The following KDELR1 variants were observed in gnomAD, a reference collection of about 807,000 sequenced individuals.
KDELR1 encodes ER lumen protein-retaining receptor 1.
KDELR1 carries 16 observed loss-of-function variants against 25.5 expected under a neutral mutation model. That is an observed-to-expected ratio of 0.63 (90% CI 0.43 to 0.95). The LOEUF (loss-of-function observed/expected upper bound fraction) is 0.95, where lower values mean the gene tolerates loss of function less well. Among genes scored for constraint, KDELR1 ranks in the 40% least tolerant of loss-of-function variants. The pLI is 0.00. For synonymous variants in KDELR1, 121 were observed against 115.0 expected, an observed-to-expected ratio of 1.05 and a Z score of -0.33; for missense variants, 159 against 265.2, an observed-to-expected ratio of 0.60 and a Z score of 2.78.
Position 48,384,106 on chromosome 19 carries a change from G to T in KDELR1, c.604+124C>A. Reference sequence around the variant, plus strand: ...GGAGGATGGTAGGCCTGCCACCCCAGAAACCCGGCGAAGAAATGCTCCCTT... The same window carrying T: ...GGAGGATGGTAGGCCTGCCACCCCATAAACCCGGCGAAGAAATGCTCCCTT... On this transcript the variant is annotated intron_variant, in intron 4 of 4. Coordinates refer to ENST00000330720, the MANE Select transcript of KDELR1 (RefSeq NM_006801.3). The surrounding 1 kb of genome is among the most constrained non-coding windows in gnomAD (Gnocchi z 4.6). 1 of 1,271,094 alleles carries T rather than the reference G, an allele frequency of 7.9e-7. No homozygotes were observed. 78.7% of individuals were successfully genotyped at this position (1,271,094 alleles called of 1,614,324 possible).
chr19:48,393,691 G>A (rs957308158), upstream of KDELR1, among the ~76,000 whole-genome samples: 9 of 152,080 alleles, frequency 5.9e-5, no homozygotes, highest in Middle Eastern at 3.4e-3. This position sits in a 1 kb window ranked among gnomAD's most constrained non-coding sequence, Gnocchi z 5.6. Context: ...GTGTGTGTGC[G>A]AGAACACAGC....
At chr19:48,395,099 ACCCTCTCTCTCT>A (rs1970621940), upstream of KDELR1, among the ~76,000 whole-genome samples, 1 of 144,080 alleles carries the variant, frequency 6.9e-6, no homozygotes, top group African/African-American at 2.6e-5. Flanking sequence ...ACTCTCCTCC[ACCCTCTCTCTCT>A]CCCTCTCTGA....
upstream of KDELR1, among the ~76,000 whole-genome samples, chr19:48,394,239 A>T (rs1049363525): frequency 2.0e-5 from 3 of 151,610 alleles, no homozygotes; most frequent in Non-Finnish European, 4.4e-5. This position sits in a 1 kb window ranked among gnomAD's most constrained non-coding sequence, Gnocchi z 5.1. Flanking sequence ...TTGAGGGGGA[A>T]TCCCAGGGAA....
intron 3 of KDELR1, among the ~76,000 whole-genome samples, chr19:48,386,000 T>C (rs1477394422): frequency 1.3e-5 from 2 of 152,116 alleles, no homozygotes; most frequent in Non-Finnish European, 2.9e-5. Flanking sequence ...CCAGGTTAGT[T>C]GATGCTGCTG....
At chr19:48,386,265 C>A (rs895186512) in intron 3 of KDELR1, among the ~76,000 whole-genome samples, 6 of 151,932 alleles carry the variant, frequency 3.9e-5, no homozygotes, top group South Asian at 2.1e-4. Context: ...TAGGCACTCA[C>A]CACCACGCCC....
At chr19:48,392,804 G>A (rs1970575478), upstream of KDELR1, among the ~76,000 whole-genome samples, 3 of 152,228 alleles carry the variant, frequency 2.0e-5, 1 homozygote, top group South Asian at 6.2e-4. Context: ...ACCCTCAGAG[G>A]CCCCGGTGTC....
chr19:48,393,966 C>T (rs1045502912), upstream of KDELR1, among the ~76,000 whole-genome samples: 28 of 151,916 alleles, frequency 1.8e-4, no homozygotes, highest in African/African-American at 6.5e-4. The surrounding 1 kb of genome is among the most constrained non-coding windows in gnomAD (Gnocchi z 5.6). Flanking sequence ...GTCTGTCTGT[C>T]TGTACCGACC....
upstream of KDELR1, among the ~76,000 whole-genome samples, chr19:48,393,126 CG>C (rs1213753251): frequency 6.6e-6 from 1 of 151,134 alleles, no homozygotes; most frequent in Non-Finnish European, 1.5e-5. The surrounding 1 kb of genome is among the most constrained non-coding windows in gnomAD (Gnocchi z 5.6). Flanking sequence ...GTGGCTTGTA[CG>C]GGGGAGAGTC....
At position 48,389,545 on chromosome 19, in the gene KDELR1, G is replaced by A; in HGVS notation, c.351+8C>T. The stretch of plus-strand genomic sequence containing the variant: ...CCCCCAAATAAGGAGTCACAGCAAG[G>A]CGCCTACCTCCAGAGGGGTGAAGTC... On this transcript the variant is annotated splice_region_variant and intron_variant, in intron 3 of 4. Coordinates refer to ENST00000330720, the MANE Select transcript of KDELR1 (RefSeq NM_006801.3). 3 of 1,613,948 alleles carry A rather than the reference G, an allele frequency of 1.9e-6. No homozygotes were observed. The highest frequency in any genetic ancestry group is 2.5e-6 in the Non-Finnish European group (3 of 1,179,934).
chr19:48,392,748 C>T (rs1000409250), upstream of KDELR1, among the ~76,000 whole-genome samples: 1 of 152,184 alleles, frequency 6.6e-6, no homozygotes, highest in African/African-American at 2.4e-5. Flanking sequence ...TGGCTTCCCC[C>T]CTGCTCCAGA....
At chr19:48,393,614 AG>A (rs1326700867), upstream of KDELR1, among the ~76,000 whole-genome samples, 2 of 151,952 alleles carry the variant, frequency 1.3e-5, no homozygotes, top group Admixed American at 6.6e-5. This position sits in a 1 kb window ranked among gnomAD's most constrained non-coding sequence, Gnocchi z 5.6. Flanking sequence ...GGAGGCCAGG[AG>A]GGGGGGCTGT....
upstream of KDELR1, among the ~76,000 whole-genome samples, chr19:48,392,089 A>G (rs1970563131): frequency 7.2e-6 from 1 of 138,660 alleles, no homozygotes; most frequent in Non-Finnish European, 1.5e-5. Context: ...CCTCCCTCAG[A>G]TCCAGGAGTC....
At chr19:48,386,035 C>T (rs1970493541) in intron 3 of KDELR1, among the ~76,000 whole-genome samples, 1 of 152,040 alleles carries the variant, frequency 6.6e-6, no homozygotes, top group Non-Finnish European at 1.5e-5. Flanking sequence ...TAAATTGATG[C>T]CCATTCAACT....
At chr19:48,387,485 C>T (rs1970505799) in intron 3 of KDELR1, among the ~76,000 whole-genome samples, 1 of 152,014 alleles carries the variant, frequency 6.6e-6, no homozygotes, top group East Asian at 1.9e-4. Flanking sequence ...GAGTTCAAGA[C>T]CAGCCTGTCA....
intron 2 of KDELR1, among the ~76,000 whole-genome samples, chr19:48,390,021 G>T (rs1247920401): frequency 8.5e-6 from 1 of 116,960 alleles, no homozygotes; most frequent in Non-Finnish European, 1.8e-5. Context: ...TCCTCCCTCA[G>T]ACCCAGGAGT....
chr19:48,391,521 T>G lies in KDELR1; in HGVS notation c.-163A>C, dbSNP rs1349137613. ...GGACTTTGGGAGGGGGAGCAAAGGCTGGAGCTGGCGGCGGAGCTGGAGCCG... is the reference window on the plus strand; with the variant it reads ...GGACTTTGGGAGGGGGAGCAAAGGCGGGAGCTGGCGGCGGAGCTGGAGCCG... On this transcript the variant is annotated 5_prime_UTR_variant, in exon 1 of 5. Coordinates refer to ENST00000330720, the MANE Select transcript of KDELR1 (RefSeq NM_006801.3). 6.6e-6 allele frequency: 4 copies of G among 605,024 alleles called. No individual in the cohort carries two copies. Among genetic ancestry groups the G allele is most frequent in the Non-Finnish European group, 8.8e-6 (3 of 340,644 alleles). The allele number at this position is 605,024 out of a possible 1,614,324, so 37.5% of individuals were successfully genotyped here.
chr19:48,389,377 C>T (rs1343722154), intron 3 of KDELR1, 176 bp downstream of exon 3: 1 of 666,856 alleles, frequency 1.5e-6, no homozygotes, highest in Non-Finnish European at 2.6e-6. Flanking sequence ...CATAGCGAGT[C>T]TTGCTGCTGT....
upstream of KDELR1, among the ~76,000 whole-genome samples, chr19:48,392,160 C>G (rs1355589335): frequency 6.9e-6 from 1 of 145,204 alleles, no homozygotes; most frequent in Non-Finnish European, 1.5e-5. Flanking sequence ...CTCCCTCAGA[C>G]CCAGGAGTCC....
chr19:48,390,604 AAGGAGAG>A, intron 1 of KDELR1, 80 bp from the exon 2 acceptor site: 1 of 1,076,028 alleles, frequency 9.3e-7, no homozygotes, highest in East Asian at 2.5e-5. Flanking sequence ...AGACAGACAG[AAGGAGAG>A]AGGAAGCTGG....
Sources: gnomAD v4.1 joint callset for allele counts (sites outside exome capture counted in the v4.1 genomes callset) on GRCh38, gnomAD v4.1.1 for gene constraint, Gnocchi (gnomAD v3.1) non-coding constraint, MANE v1.5 for transcripts, NCBI Gene and HGNC (gene_info 2026-07-23, HGNC 2026-07-21) for gene names.